HECW1: variants seen among roughly 807,000 people sequenced by gnomAD.
HECW1 encodes the protein HECT, C2 and WW domain containing E3 ubiquitin protein ligase 1.
HECW1 carries 61 observed loss-of-function variants against 182.3 expected under a neutral mutation model. The observed-to-expected ratio is 0.33, with a 90% CI of 0.27 to 0.41. The LOEUF is 0.41. Ranked by LOEUF, HECW1 falls within the 10% of genes least tolerant of loss-of-function variation. HECW1 has a pLI of 1.00. For missense variants in HECW1, 1,739 were observed against 2,108.9 expected, an observed-to-expected ratio of 0.82 and a Z score of 3.44; for synonymous variants, 859 against 832.6, an observed-to-expected ratio of 1.03 and a Z score of -0.55.
chr7:43,362,115 G>C (rs867500530), intron 6 of HECW1, among the ~76,000 whole-genome samples: 2 of 108,964 alleles, frequency 1.8e-5, no homozygotes, highest in Non-Finnish European at 3.4e-5. Flanking sequence ...TGGGCAACAA[G>C]AGTGAAACTC....
rs552157316 is a variant in HECW1, at chr7:43,195,119, A to G, written c.-31-48756A>G. 2.0e-5 allele frequency among the ~76,000 whole-genome samples: 3 copies of G among 152,324 alleles called. No homozygotes were observed. In the South Asian group the frequency reaches 6.2e-4, roughly 32 times the overall value. Reference sequence around the variant, plus strand: ...GCCACAAGTATGATTTACTTTCCACATAGAAGGATTCCCAGATCCTAAGAA... The same window carrying G: ...GCCACAAGTATGATTTACTTTCCACGTAGAAGGATTCCCAGATCCTAAGAA... On this transcript the variant is annotated intron_variant, in intron 2 of 29. Coordinates refer to ENST00000395891, the MANE Select transcript of HECW1 (RefSeq NM_015052.5).
chr7:43,560,963 G>T lies in HECW1; in HGVS notation c.4710-852G>T, dbSNP rs553865106. Reference sequence around the variant, plus strand: ...CCCATCCACCTTTCTCTCTACTACGGTACAGGACTCGGCATCAGCCAAAGT... The same window carrying T: ...CCCATCCACCTTTCTCTCTACTACGTTACAGGACTCGGCATCAGCCAAAGT... On this transcript the variant is annotated intron_variant, in intron 29 of 29. Transcript: ENST00000395891. Among the ~76,000 whole-genome samples, 6 of 152,286 alleles carry T rather than the reference G, an allele frequency of 3.9e-5. No individual in the cohort carries two copies. The East Asian group carries it at 1.2e-3, about 29-fold the overall frequency.
chr7:43,293,238 AAAAG>A (rs1184776030), intron 3 of HECW1, among the ~76,000 whole-genome samples: 1 of 140,330 alleles, frequency 7.1e-6, no homozygotes, highest in Non-Finnish European at 1.5e-5. Flanking sequence ...AAAAAAAAAG[AAAAG>A]AAAAGAAAAA....
intron 29 of HECW1, among the ~76,000 whole-genome samples, chr7:43,561,189 G>C (rs549662296): frequency 1.5e-4 from 23 of 152,378 alleles, no homozygotes; most frequent in African/African-American, 5.3e-4. Context: ...GGAAGCACAT[G>C]AAGCAAGCTA....
chr7:43,262,747 C>A lies in HECW1; in HGVS notation c.27+18815C>A, dbSNP rs990025146. Among the ~76,000 whole-genome samples the A allele has an allele frequency of 3.3e-5, 5 of 152,192 alleles. No homozygotes were observed. In the South Asian group the frequency reaches 8.3e-4, roughly 25 times the overall value. On this transcript the variant is annotated intron_variant, in intron 3 of 29. Coordinates refer to ENST00000395891, the MANE Select transcript of HECW1 (RefSeq NM_015052.5). ...CTCCTTTGCTTCCTCTGAATAGCTACTATAAATAGACCGGAGATGTTCTAT... is the reference window on the plus strand; with the variant it reads ...CTCCTTTGCTTCCTCTGAATAGCTAATATAAATAGACCGGAGATGTTCTAT...
intron 6 of HECW1, among the ~76,000 whole-genome samples, chr7:43,384,629 TA>T (rs893768979): frequency 2.0e-5 from 3 of 152,100 alleles, no homozygotes; most frequent in Non-Finnish European, 4.4e-5. Flanking sequence ...CGTTTGCCTT[TA>T]AAAAAAATCA....
chr7:43,152,746 A>G (rs767806507), intron 2 of HECW1, among the ~76,000 whole-genome samples: 2 of 152,058 alleles, frequency 1.3e-5, no homozygotes, highest in African/African-American at 4.8e-5. Flanking sequence ...TAGTCTATCA[A>G]TTGGTGGAGC....
intron 3 of HECW1, among the ~76,000 whole-genome samples, chr7:43,279,164 C>T (rs1803570274): frequency 6.6e-6 from 1 of 152,110 alleles, no homozygotes; most frequent in South Asian, 2.1e-4. Context: ...TCAATTTGTG[C>T]TATGTGTAAG....
intron 29 of HECW1, among the ~76,000 whole-genome samples, chr7:43,555,550 G>A (rs1585292291): frequency 6.6e-6 from 1 of 152,202 alleles, no homozygotes; most frequent in Non-Finnish European, 1.5e-5. Context: ...GGATACGTTC[G>A]AATTATAAAG....
intron 2 of HECW1, chr7:43,163,317 A>G (rs1790752171): frequency 6.6e-6 from 1 of 152,240 alleles, no homozygotes; most frequent in Non-Finnish European, 1.5e-5. Flanking sequence ...CGAACCATAT[A>G]TGGAAAGGAC....
rs192648465 is a variant in HECW1 at position 43,416,893 on chromosome 7, C to T, written c.801+9162C>T. Among the ~76,000 whole-genome samples the T allele has an allele frequency of 1.3e-3, 196 of 152,094 alleles. 1 individual carries two copies. Among genetic ancestry groups the T allele is most frequent in the Non-Finnish European group, 2.0e-3 (137 of 67,974 alleles). ...TGCTCGCCCTGCTTCGGCTCGAGCACGGTGTGCGCACCCACTGGCCTGCAC... is the reference window on the plus strand; with the variant it reads ...TGCTCGCCCTGCTTCGGCTCGAGCATGGTGTGCGCACCCACTGGCCTGCAC... On this transcript the variant is annotated intron_variant, in intron 8 of 29. Coordinates refer to ENST00000395891, the MANE Select transcript of HECW1 (RefSeq NM_015052.5).
chr7:43,514,014 C>T (rs900741060), intron 24 of HECW1, among the ~76,000 whole-genome samples: 1 of 152,192 alleles, frequency 6.6e-6, no homozygotes, highest in African/African-American at 2.4e-5. Context: ...CTTCCACCCT[C>T]CAGTCCCAAT....
At chr7:43,388,983 G>A (rs2074912258) in intron 6 of HECW1, among the ~76,000 whole-genome samples, 1 of 152,214 alleles carries the variant, frequency 6.6e-6, no homozygotes, top group African/African-American at 2.4e-5. Context: ...CAAGAAAGGA[G>A]TGGGGCCTGG....
chr7:43,424,678 G>A (rs1478891821), intron 8 of HECW1, among the ~76,000 whole-genome samples: 3 of 152,090 alleles, frequency 2.0e-5, no homozygotes, highest in Non-Finnish European at 4.4e-5. Context: ...TCTTTTCAAA[G>A]TTAAAAATAT....
intron 3 of HECW1, among the ~76,000 whole-genome samples, chr7:43,283,727 C>G (rs1022791353): frequency 2.0e-5 from 3 of 152,126 alleles, no homozygotes; most frequent in Non-Finnish European, 4.4e-5. Context: ...TGCAAAACGT[C>G]CCTCAAAGTG....
intron 2 of HECW1, among the ~76,000 whole-genome samples, chr7:43,224,970 A>C (rs1479933538): frequency 6.6e-6 from 1 of 152,096 alleles, no homozygotes; most frequent in Non-Finnish European, 1.5e-5. Flanking sequence ...TGTGCTGGTG[A>C]GTTTGTATTC....
At chr7:43,193,607 C>T (rs371576828) in intron 2 of HECW1, among the ~76,000 whole-genome samples, 2 of 152,078 alleles carry the variant, frequency 1.3e-5, no homozygotes, top group East Asian at 3.9e-4. Flanking sequence ...GTCTTGAACT[C>T]CTGACCTCAA....
At position 43,408,660 on chromosome 7, in the gene HECW1, T is replaced by C. The variant is rs1372919964; in HGVS notation, c.801+929T>C. ...GGGATCATGCCACTGCACTCCAACC[T>C]GGGTGACAGAGCGAGACCCTGTCTC... is the stretch of plus-strand genomic sequence containing the variant. On this transcript the variant is annotated intron_variant, in intron 8 of 29. Coordinates refer to ENST00000395891, the MANE Select transcript of HECW1 (RefSeq NM_015052.5). Among the ~76,000 whole-genome samples, 4 of 152,172 alleles carry C rather than the reference T, an allele frequency of 2.6e-5. No individual in the cohort carries two copies. The East Asian group carries it at 5.8e-4, about 22-fold the overall frequency.
intron 3 of HECW1, among the ~76,000 whole-genome samples, chr7:43,304,871 T>C (rs1807349668): frequency 6.6e-6 from 1 of 152,216 alleles, no homozygotes; most frequent in African/African-American, 2.4e-5. Flanking sequence ...CTAAAGGAGC[T>C]AGGCTGGGCT....
Sources: allele counts gnomAD v4.1 joint callset (sites outside exome capture counted in the v4.1 genomes callset), GRCh38; gene constraint gnomAD v4.1.1; transcripts MANE v1.5; gene names NCBI Gene and HGNC (gene_info 2026-07-23, HGNC 2026-07-21).